Variants in MCF2L observed in about 807,000 individuals in gnomAD.
MCF2L encodes guanine nucleotide exchange factor DBS.
MCF2L carries 97 observed loss-of-function variants against 153.4 expected under a neutral mutation model. That is an observed-to-expected ratio of 0.63 (90% CI 0.54 to 0.75). The LOEUF (loss-of-function observed/expected upper bound fraction) is 0.75. MCF2L is among the 30% of genes least tolerant of loss of function. The pLI is 0.00. For synonymous variants in MCF2L, 659 were observed against 632.2 expected (o/e 1.04, Z -0.64); for missense variants, 1,347 against 1,495.2 (o/e 0.90, Z 1.64).
intron 3 of MCF2L, chr13:113,040,389 C>T (rs897840758): frequency 3.6e-5 from 4 of 110,054 alleles, no homozygotes; most frequent in Non-Finnish European, 8.1e-5. Flanking sequence ...GTAACCGAGT[C>T]GCACTGTGCA....
At chr13:113,041,720 G>A (rs984435189) in intron 3 of MCF2L, among the ~76,000 whole-genome samples, 1 of 152,186 alleles carries the variant, frequency 6.6e-6, no homozygotes, top group Non-Finnish European at 1.5e-5. Context: ...GGAGACATGG[G>A]GCTGAGGGGG....
At position 112,951,407 on chromosome 13, in the gene MCF2L, G is replaced by A. The variant is rs2081692215; in HGVS notation, c.169+49036G>A. ...TGCACATAAATACAGGCATATGAATGTTTATATTCGTTTATTTGTCGCAGT... is the reference window on the plus strand; with the variant it reads ...TGCACATAAATACAGGCATATGAATATTTATATTCGTTTATTTGTCGCAGT... On this transcript the variant is annotated intron_variant, in intron 2 of 29. Transcript: ENST00000375608. The surrounding 1 kb of genome is among the most constrained non-coding windows in gnomAD (Gnocchi z 4.8). Among the ~76,000 whole-genome samples, 1 of 152,172 alleles carries A rather than the reference G, an allele frequency of 6.6e-6. No individual in the cohort carries two copies. Among genetic ancestry groups the A allele is most frequent in the South Asian group, 2.1e-4 (1 of 4,826 alleles).
intron 1 of MCF2L, among the ~76,000 whole-genome samples, chr13:112,972,761 AGGG>A (rs1566673505): frequency 6.3e-4 from 1 of 1,586 alleles, no homozygotes; most frequent in East Asian, 0.018. Context: ...GGATGGATGG[AGGG>A]AGGGAGGGAT....
intron 26 of MCF2L, chr13:113,090,203 C>A: frequency 6.7e-7 from 1 of 1,490,290 alleles, no homozygotes; most frequent in East Asian, 2.8e-5. Flanking sequence ...ACCGTGGTGG[C>A]GTCTGTCATG....
In MCF2L at chr13:113,064,392, G is replaced by C; in HGVS notation, c.578G>C (p.Cys193Ser). 1 of 1,612,586 alleles carries C rather than the reference G, an allele frequency of 6.2e-7. No individual in the cohort carries two copies. Among genetic ancestry groups the C allele is most frequent in the Non-Finnish European group, 8.5e-7 (1 of 1,179,928 alleles). ...GACCTGGGTGGGACCCTGGACTACT[G>C]CCACTCCCGGTGGCTGTGCCAGCGC... The part of the protein sequence containing the change: ...TEDLGGTLDY[C>S]HSRWLCQRTA... The change falls in exon 6 of 30, where the codon TGC (cysteine) becomes TCC (serine). Residue 193 changes from cysteine to serine, a missense_variant. Coordinates refer to ENST00000535094, the MANE Select transcript of MCF2L (RefSeq NM_001112732.3). This position sits in a 1 kb window ranked among gnomAD's most constrained non-coding sequence, Gnocchi z 6.0.
intron 17 of MCF2L, among the ~76,000 whole-genome samples, chr13:113,083,674 G>T (rs148465620): frequency 6.6e-6 from 1 of 152,218 alleles, no homozygotes; most frequent in Non-Finnish European, 1.5e-5. Flanking sequence ...TGGGGGTGGC[G>T]CCTCCAGGGC....
chr13:113,096,271 C>T (rs1162887417), intron 27 of MCF2L, 100 bp from the exon 28 acceptor site: 4 of 919,790 alleles, frequency 4.3e-6, no homozygotes, highest in Non-Finnish European at 6.8e-6. Flanking sequence ...GAGCTCCCAC[C>T]GGGGCAGGGC....
At chr13:112,917,019 A>T in intron 2 of MCF2L, 1 of 466,524 alleles carries the variant, frequency 2.1e-6, no homozygotes, top group Non-Finnish European at 4.5e-6. Flanking sequence ...ATCCTCCCTC[A>T]TCGCCAAGTC....
chr13:112,946,008 C>T (rs2081633567), intron 2 of MCF2L, among the ~76,000 whole-genome samples: 1 of 152,116 alleles, frequency 6.6e-6, no homozygotes, highest in Admixed American at 6.5e-5. Flanking sequence ...AGCTCATCAG[C>T]ACGCCAGCCC....
intron 1 of MCF2L, chr13:113,009,646 T>C (rs1594626847): frequency 6.6e-6 from 1 of 152,264 alleles, no homozygotes; most frequent in African/African-American, 2.4e-5. Context: ...CCTCCTGGGG[T>C]GTCCTTATCT....
chr13:112,912,464 ACG>A (rs533771364), intron 2 of MCF2L, among the ~76,000 whole-genome samples: 1 of 152,008 alleles, frequency 6.6e-6, no homozygotes, highest in African/African-American at 2.4e-5. Context: ...TTACAAGCGC[ACG>A]CCACCACACC....
Position 113,097,639 on chromosome 13 carries a change from A to T in MCF2L, c.*780A>T, listed in dbSNP as rs2035760855. The T allele has an allele frequency of 6.7e-6, 1 of 149,264 alleles. No individual in the cohort carries two copies. The allele number at this position is 149,264 out of a possible 1,614,324, so 9.2% of individuals were successfully genotyped here. A position where few individuals can be genotyped will look rare whatever the true frequency, so the allele number is the denominator to read the frequency against. On this transcript the variant is annotated 3_prime_UTR_variant, in exon 30 of 30. Transcript: ENST00000535094. ...CAAAAGAAAATTTAAACTATAATTT[A>T]AACAATTAACGTTCTTTTCTACAAA...
chr13:113,083,263 C>T (rs2034322069), intron 17 of MCF2L, among the ~76,000 whole-genome samples: 1 of 152,138 alleles, frequency 6.6e-6, no homozygotes, highest in Non-Finnish European at 1.5e-5. Flanking sequence ...GACCAGCGTG[C>T]CCCACTGGCC....
At chr13:112,906,154 G>A (rs1235227804) in intron 2 of MCF2L, among the ~76,000 whole-genome samples, 2 of 152,192 alleles carry the variant, frequency 1.3e-5, no homozygotes, top group Non-Finnish European at 2.9e-5. Flanking sequence ...GTTTCCTTCA[G>A]GCTTCTTCAT....
intron 2 of MCF2L, among the ~76,000 whole-genome samples, chr13:113,015,253 C>T (rs562840663): frequency 6.6e-6 from 1 of 152,368 alleles, no homozygotes; most frequent in South Asian, 2.1e-4. Flanking sequence ...GTCTGGCACA[C>T]CTGTGGAGGT....
At chr13:112,911,694 G>A (rs1283205827) in intron 2 of MCF2L, among the ~76,000 whole-genome samples, 1 of 152,240 alleles carries the variant, frequency 6.6e-6, no homozygotes, top group Non-Finnish European at 1.5e-5. Context: ...AGGGCGCGGC[G>A]GGCCTGCGCC....
At chr13:112,957,416 G>A (rs931579126) in intron 2 of MCF2L, 2 of 152,220 alleles carry the variant, frequency 1.3e-5, no homozygotes, top group African/African-American at 4.8e-5. Flanking sequence ...TTCATAGAAC[G>A]ATAGAGATTT....
intron 2 of MCF2L, among the ~76,000 whole-genome samples, chr13:112,911,508 C>T (rs1371056039): frequency 1.3e-5 from 2 of 152,254 alleles, no homozygotes; most frequent in African/African-American, 4.8e-5. Flanking sequence ...CTGCAGGCTC[C>T]TCTGGGAATG....
intron 3 of MCF2L, among the ~76,000 whole-genome samples, chr13:113,025,956 G>T (rs867650721): frequency 0.018 from 399 of 22,442 alleles, 17 homozygotes; most frequent in African/African-American, 0.039. Context: ...AGATTTCCCC[G>T]TCATGGGGTC....
Sources: gnomAD v4.1 joint callset for allele counts (sites outside exome capture counted in the v4.1 genomes callset) on GRCh38, gnomAD v4.1.1 for gene constraint, Gnocchi (gnomAD v3.1) non-coding constraint, MANE v1.5 for transcripts, NCBI Gene and HGNC (gene_info 2026-07-23, HGNC 2026-07-21) for gene names.